The following GLDC variants were observed in gnomAD, a reference collection of about 807,000 sequenced individuals.
The protein encoded by GLDC is glycine dehydrogenase (decarboxylating), mitochondrial.
Under a neutral mutation model 121.3 loss-of-function variants are expected in GLDC, and 104 were observed. The ratio of observed to expected loss-of-function variants is 0.86; its 90% confidence interval spans 0.73 to 1.01. GLDC has a LOEUF of 1.01. Among genes scored for constraint, GLDC ranks in the 50% least tolerant of loss-of-function variants. GLDC has a pLI of 0.00. For synonymous variants in GLDC, 546 were observed against 480.6 expected, an observed-to-expected ratio of 1.14 and a Z score of -1.78; for missense variants, 1,429 against 1,306.6, an observed-to-expected ratio of 1.09 and a Z score of -1.44.
chr9:6,609,004 G>A (rs1818796148), intron 4 of GLDC, among the ~76,000 whole-genome samples: 1 of 152,040 alleles, frequency 6.6e-6, no homozygotes, highest in Non-Finnish European at 1.5e-5. Flanking sequence ...ACCAAGTATG[G>A]AGCTCACTCC....
intron 15 of GLDC, among the ~76,000 whole-genome samples, chr9:6,577,875 C>T: frequency 6.6e-6 from 1 of 151,276 alleles, no homozygotes; most frequent in East Asian, 1.9e-4. Context: ...GCTTAATGTA[C>T]TTCTTTCTCT....
intron 16 of GLDC, among the ~76,000 whole-genome samples, chr9:6,564,316 GA>G (rs1457512998): frequency 1.3e-5 from 2 of 152,060 alleles, no homozygotes; most frequent in African/African-American, 4.8e-5. Flanking sequence ...GTGGAATCAG[GA>G]TGAACTATGC....
intron 8 of GLDC, among the ~76,000 whole-genome samples, chr9:6,600,035 C>A (rs998353723): frequency 1.2e-4 from 19 of 152,118 alleles, no homozygotes; most frequent in African/African-American, 4.6e-4. Context: ...CCCATTGAAG[C>A]ACCTGTGACA....
chr9:6,589,784 C>T (rs1484285929), intron 11 of GLDC, among the ~76,000 whole-genome samples: 2 of 151,832 alleles, frequency 1.3e-5, no homozygotes, highest in East Asian at 1.9e-4. Flanking sequence ...AGGCCAGGCG[C>T]GGTGGCTCAC....
At chr9:6,589,950 G>C (rs1204933839) in intron 11 of GLDC, among the ~76,000 whole-genome samples, 2 of 151,984 alleles carry the variant, frequency 1.3e-5, no homozygotes, top group East Asian at 3.9e-4. Context: ...AGCTACTCGG[G>C]AGGCTGAGGC....
At chr9:6,620,762 A>T (rs977857123) in intron 2 of GLDC, among the ~76,000 whole-genome samples, 1 of 152,106 alleles carries the variant, frequency 6.6e-6, no homozygotes, top group African/African-American at 2.4e-5. Flanking sequence ...CATAATCTAC[A>T]TTTTCTCTAA....
chr9:6,536,513 GC>G (rs1817133054), intron 22 of GLDC, among the ~76,000 whole-genome samples: 1 of 152,042 alleles, frequency 6.6e-6, no homozygotes, highest in Non-Finnish European at 1.5e-5. Context: ...TGTTAAACTG[GC>G]TAAACATTCA....
intron 2 of GLDC, among the ~76,000 whole-genome samples, chr9:6,625,560 C>A (rs10975705): frequency 0.41 from 62,386 of 151,924 alleles, 13,792 homozygotes; most frequent in East Asian, 0.58. Flanking sequence ...CCAGGAGACA[C>A]AATAGGATTA....
At chr9:6,582,038 A>T (rs1000748623) in intron 15 of GLDC, among the ~76,000 whole-genome samples, 1 of 151,000 alleles carries the variant, frequency 6.6e-6, no homozygotes, top group Non-Finnish European at 1.5e-5. Context: ...AACATAGTGA[A>T]ACCCGATCTC....
intron 2 of GLDC, among the ~76,000 whole-genome samples, chr9:6,627,559 A>G (rs546630238): frequency 1.3e-5 from 2 of 152,234 alleles, no homozygotes; most frequent in East Asian, 3.9e-4. Flanking sequence ...TTCTGTTGAG[A>G]ACAAAGTGAG....
At chr9:6,615,193 T>C (rs559844795) in intron 3 of GLDC, among the ~76,000 whole-genome samples, 12 of 152,308 alleles carry the variant, frequency 7.9e-5, no homozygotes, top group Non-Finnish European at 1.5e-5. Flanking sequence ...AAGTGAATAA[T>C]AGCAACTGTA....
chr9:6,543,901 G>T (rs1035021119), intron 21 of GLDC, among the ~76,000 whole-genome samples: 1 of 151,260 alleles, frequency 6.6e-6, no homozygotes, highest in Admixed American at 6.6e-5. Flanking sequence ...GAGGGGGGGG[G>T]ATGAAGGAAA....
At position 6,565,984 on chromosome 9, in the gene GLDC, G is replaced by C. The variant is rs117190553; in HGVS notation, c.1851-555C>G. On this transcript the variant is annotated intron_variant, in intron 15 of 24. Coordinates refer to ENST00000321612, the MANE Select transcript of GLDC (RefSeq NM_000170.3). ...AGGCCGGGTGCAATGGCTCATGCCT[G>C]TAATCCTAGCACTTTGGGGGGCCGA... 100 of 185,898 alleles carry C rather than the reference G, an allele frequency of 5.4e-4. 1 individual carries two copies. The East Asian group carries it at 8.7e-3, about 16-fold the overall frequency. The allele number at this position is 185,898 out of a possible 1,614,324, so 11.5% of individuals were successfully genotyped here.
intron 2 of GLDC, chr9:6,644,409 A>G (rs1819696371): frequency 9.7e-6 from 6 of 618,510 alleles, no homozygotes; most frequent in South Asian, 1.9e-5. Context: ...CACAACACCG[A>G]CTCTCTCCTA....
At chr9:6,604,484 T>G (rs1818689275) in intron 7 of GLDC, 104 bp downstream of exon 7, 1 of 1,062,400 alleles carries the variant, frequency 9.4e-7, no homozygotes, top group South Asian at 1.3e-5. Context: ...CTTAACTGAC[T>G]CAACATGGCC....
At chr9:6,540,505 GTGT>G in intron 21 of GLDC, 1 of 329,376 alleles carries the variant, frequency 3.0e-6, no homozygotes, top group South Asian at 2.8e-5. Context: ...ACAGTTAAAT[GTGT>G]TGTATAGTCC....
chr9:6,539,359 G>A (rs945441817), intron 22 of GLDC, among the ~76,000 whole-genome samples: 10 of 152,016 alleles, frequency 6.6e-5, no homozygotes, highest in African/African-American at 2.4e-4. Flanking sequence ...TGCACCTGTA[G>A]TCCCAGCTAC....
chr9:6,628,520 T>C (rs929225521), intron 2 of GLDC, among the ~76,000 whole-genome samples: 1 of 152,228 alleles, frequency 6.6e-6, no homozygotes, highest in Non-Finnish European at 1.5e-5. Flanking sequence ...CTGGGGGCAG[T>C]GGCTCACGCC....
chr9:6,592,054 C>A lies in GLDC; in HGVS notation c.1482+89G>T, dbSNP rs891551025. 4 of 816,630 alleles carry A rather than the reference C, an allele frequency of 4.9e-6. No individual in the cohort carries two copies. The African/African-American group carries it at 5.0e-5, about 10-fold the overall frequency. The allele number at this position is 816,630 out of a possible 1,614,324, so 50.6% of individuals were successfully genotyped here. ...ACAAGCTACCAGTGTCACACTTGGG[C>A]CCCTTCTCCCTCACACTCAGGGGAT... On this transcript the variant is annotated intron_variant, in intron 11 of 24. Transcript: ENST00000321612.
Sources: allele counts gnomAD v4.1 joint callset (sites outside exome capture counted in the v4.1 genomes callset), GRCh38; gene constraint gnomAD v4.1.1; transcripts MANE v1.5; gene names NCBI Gene and HGNC (gene_info 2026-07-23, HGNC 2026-07-21).